The following SLC36A1 variants were observed in gnomAD, a reference collection of about 807,000 sequenced individuals.
SLC36A1 encodes proton-coupled amino acid transporter 1.
In SLC36A1, 30 loss-of-function variants were observed where a neutral mutation model predicts 47.5. That is an observed-to-expected ratio of 0.63 (90% CI 0.47 to 0.86). The LOEUF (loss-of-function observed/expected upper bound fraction) is 0.86. SLC36A1 is among the 40% of genes least tolerant of loss of function. The probability of loss-of-function intolerance (pLI) is 0.00; values close to 1 mark genes in which losing one functional copy is unlikely to be tolerated. For missense variants in SLC36A1, 517 were observed against 606.0 expected (o/e 0.85, Z 1.54); for synonymous variants, 255 against 249.7 (o/e 1.02, Z -0.20).
the SLC36A1 span, among the ~76,000 whole-genome samples, chr5:151,358,980 C>CAAAAAA: frequency 4.3e-5 from 2 of 46,252 alleles, no homozygotes; most frequent in African/African-American, 1.3e-4. Flanking sequence ...GACTCCGTCT[C>CAAAAAA]AAAAAAAAAA....
At chr5:151,402,649 T>G in the SLC36A1 span, among the ~76,000 whole-genome samples, 1 of 152,110 alleles carries the variant, frequency 6.6e-6, no homozygotes, top group East Asian at 1.9e-4. Context: ...TTTCATTGGT[T>G]GGTAGGTTTT....
At chr5:151,469,306 TG>T (rs1757015911) in intron 7 of SLC36A1, 7 of 684,812 alleles carry the variant, frequency 1.0e-5, no homozygotes, top group South Asian at 9.3e-5. Context: ...AAATATATTT[TG>T]TTTTCATTTT....
At chr5:151,380,822 G>A in the SLC36A1 span, 2 of 492,758 alleles carry the variant, frequency 4.1e-6, no homozygotes, top group South Asian at 3.2e-5. Flanking sequence ...ACCAGAACTG[G>A]CAGCAGCAGA....
the SLC36A1 span, among the ~76,000 whole-genome samples, chr5:151,550,156 G>A: frequency 2.0e-5 from 3 of 152,104 alleles, no homozygotes; most frequent in Non-Finnish European, 4.4e-5. Context: ...CTGACTCTTG[G>A]GGTCATAAAA....
the SLC36A1 span, chr5:151,510,540 C>G: frequency 5.5e-6 from 1 of 180,900 alleles, no homozygotes; most frequent in Admixed American, 5.6e-5. Flanking sequence ...CATCAGGGGA[C>G]AGGTACAAAG....
the SLC36A1 span, chr5:151,553,260 A>G: frequency 7.4e-6 from 12 of 1,614,248 alleles, no homozygotes; most frequent in South Asian, 1.3e-4. Context: ...CGTCTCCATG[A>G]CCGTAAAGCT....
chr5:151,406,074 A>G, the SLC36A1 span, among the ~76,000 whole-genome samples: 1 of 152,182 alleles, frequency 6.6e-6, no homozygotes, highest in Non-Finnish European at 1.5e-5. Context: ...CCCTTCAACA[A>G]GTCTCTTCCT....
At chr5:151,419,041 C>T in the SLC36A1 span, among the ~76,000 whole-genome samples, 6 of 152,312 alleles carry the variant, frequency 3.9e-5, no homozygotes, top group African/African-American at 1.4e-4. Context: ...TAACTTGGCA[C>T]TTCTCCTGCC....
At chr5:151,360,211 T>A in the SLC36A1 span, among the ~76,000 whole-genome samples, 898 of 152,294 alleles carry the variant, frequency 5.9e-3, 9 homozygotes, top group African/African-American at 0.02. Context: ...GAGTTGAAAA[T>A]CCATGTATAG....
the SLC36A1 span, among the ~76,000 whole-genome samples, chr5:151,532,970 C>T: frequency 2.0e-5 from 3 of 152,158 alleles, no homozygotes; most frequent in African/African-American, 7.2e-5. Flanking sequence ...ATGAAGAAAC[C>T]ATAATTTTTC....
the SLC36A1 span, among the ~76,000 whole-genome samples, chr5:151,515,052 C>T: frequency 2.0e-5 from 3 of 152,204 alleles, no homozygotes; most frequent in Admixed American, 6.5e-5. Flanking sequence ...GTCCCTTTTC[C>T]GCAAAATTTC....
At chr5:151,379,625 C>T in the SLC36A1 span, among the ~76,000 whole-genome samples, 1 of 152,212 alleles carries the variant, frequency 6.6e-6, no homozygotes, top group African/African-American at 2.4e-5. Context: ...AGCCACCGTG[C>T]CCGGCGCTCT....
At chr5:151,373,707 G>A in the SLC36A1 span, among the ~76,000 whole-genome samples, 1 of 152,174 alleles carries the variant, frequency 6.6e-6, no homozygotes, top group Non-Finnish European at 1.5e-5. Context: ...GATGGTTAAA[G>A]TATAAAAGAT....
At chr5:151,529,216 C>T in the SLC36A1 span, 1 of 1,614,042 alleles carries the variant, frequency 6.2e-7, no homozygotes, top group Non-Finnish European at 8.5e-7. Context: ...TTCTCTAAGA[C>T]CCTTGTGCTA....
chr5:151,421,126 G>A, the SLC36A1 span, among the ~76,000 whole-genome samples: 1 of 150,922 alleles, frequency 6.6e-6, no homozygotes, highest in Admixed American at 6.6e-5. Flanking sequence ...ACCCGCCTCG[G>A]CCTCCCAAAG....
At chr5:151,406,700 T>C in the SLC36A1 span, 4 of 152,278 alleles carry the variant, frequency 2.6e-5, no homozygotes, top group African/African-American at 9.7e-5. Flanking sequence ...CCTTCATCCT[T>C]TGGTGGGTGG....
At chr5:151,393,702 C>A in the SLC36A1 span, among the ~76,000 whole-genome samples, 1 of 152,068 alleles carries the variant, frequency 6.6e-6, no homozygotes, top group South Asian at 2.1e-4. Context: ...GTTGAAAATT[C>A]TTTTCTTTAA....
At chr5:151,380,339 G>C in the SLC36A1 span, 1 of 284,204 alleles carries the variant, frequency 3.5e-6, no homozygotes. Context: ...ATACAAATTA[G>C]CTGCCAGGAG....
intron 1 of SLC36A1, among the ~76,000 whole-genome samples, chr5:151,458,298 A>G (rs960759431): frequency 1.9e-5 from 2 of 105,188 alleles, no homozygotes; most frequent in African/African-American, 8.7e-5. Context: ...ATATATACAT[A>G]CACGTGTATA....
Sources: gnomAD v4.1 joint callset for allele counts (sites outside exome capture counted in the v4.1 genomes callset) on GRCh38, gnomAD v4.1.1 for gene constraint, MANE v1.5 for transcripts, NCBI Gene and HGNC (gene_info 2026-07-23, HGNC 2026-07-21) for gene names.